CCDC32: variants seen among roughly 807,000 people sequenced by gnomAD.
The protein encoded by CCDC32 is coiled-coil domain containing 32.
In CCDC32, 9 loss-of-function variants were observed where a neutral mutation model predicts 20.1. The ratio of observed to expected loss-of-function variants is 0.45; its 90% CI spans 0.27 to 0.78. The LOEUF is 0.78. CCDC32 is among the 30% of genes least tolerant of loss of function. The pLI, the probability that CCDC32 is intolerant of heterozygous loss-of-function variation, is 0.16. For synonymous variants in CCDC32, 63 were observed against 79.0 expected (o/e 0.80, Z 1.07); for missense variants, 204 against 215.5 (o/e 0.95, Z 0.33).
chr15:40,553,608 G>A lies in CCDC32; in HGVS notation c.*363C>T. The A allele has an allele frequency of 9.7e-7, 1 of 1,032,020 alleles. No homozygotes were observed. The allele number at this position is 1,032,020 out of a possible 1,614,324, so 63.9% of individuals were successfully genotyped here. A position where few individuals can be genotyped will look rare whatever the true frequency, so the allele number is the denominator to read the frequency against. ...CACTTAACTTACACATTACACATAA[G>A]AGGCCTCAGTTTCTCCAAGTACTTT... On this transcript the variant is annotated 3_prime_UTR_variant, in exon 4 of 4. Transcript: ENST00000416810.
At chr15:40,555,105 C>G (rs1890150768) in intron 3 of CCDC32, among the ~76,000 whole-genome samples, 1 of 152,190 alleles carries the variant, frequency 6.6e-6, no homozygotes, top group Non-Finnish European at 1.5e-5. Context: ...CTTTGAAGAA[C>G]TAGTGTTTCC....
At chr15:40,535,824 G>T, downstream of CCDC32, 1 of 227,864 alleles carries the variant, frequency 4.4e-6, no homozygotes, top group Non-Finnish European at 7.3e-6. Flanking sequence ...GAGAGCCCAT[G>T]AGGGGGCCTA....
chr15:40,524,241 C>A (rs577848964), downstream of CCDC32, among the ~76,000 whole-genome samples: 16 of 149,026 alleles, frequency 1.1e-4, no homozygotes, highest in Admixed American at 2.1e-4. Flanking sequence ...CTGCAAGCTC[C>A]AGCCTCCCAG....
chr15:40,546,442 G>A (rs1269161371), intron 3 of CCDC32, among the ~76,000 whole-genome samples: 1 of 151,710 alleles, frequency 6.6e-6, no homozygotes, highest in South Asian at 2.1e-4. Flanking sequence ...TCCTGCCTTG[G>A]CCTCCCAAAG....
chr15:40,538,835 G>A (rs1450104168), downstream of CCDC32: 1 of 170,652 alleles, frequency 5.9e-6, no homozygotes, highest in Non-Finnish European at 1.2e-5. Context: ...TTTGCAATAT[G>A]GAAAAGGTGA....
intron 3 of CCDC32, among the ~76,000 whole-genome samples, chr15:40,544,218 GTATT>G (rs1358488066): frequency 6.6e-6 from 1 of 152,048 alleles, no homozygotes; most frequent in Non-Finnish European, 1.5e-5. Context: ...CCCCTGGAAT[GTATT>G]TATTTATTTG....
intron 3 of CCDC32, among the ~76,000 whole-genome samples, chr15:40,539,839 G>GA (rs1566979558): frequency 1.4e-3 from 54 of 38,110 alleles, no homozygotes; most frequent in Admixed American, 0.013. Flanking sequence ...TCAAACTGTT[G>GA]CCACACACAC....
downstream of CCDC32, among the ~76,000 whole-genome samples, chr15:40,533,549 T>C (rs975158778): frequency 4.6e-5 from 7 of 151,930 alleles, no homozygotes; most frequent in African/African-American, 1.7e-4. Context: ...TTTCACCATA[T>C]TGGCCAAGCT....
chr15:40,531,096 TCA>T (rs759139400), downstream of CCDC32, among the ~76,000 whole-genome samples: 14 of 151,698 alleles, frequency 9.2e-5, 2 homozygotes, highest in East Asian at 1.5e-3. Flanking sequence ...CTGCATGTTC[TCA>T]TTTATAAGTG....
downstream of CCDC32, among the ~76,000 whole-genome samples, chr15:40,527,393 A>C (rs1894912825): frequency 6.6e-6 from 1 of 151,988 alleles, no homozygotes; most frequent in Non-Finnish European, 1.5e-5. Flanking sequence ...CTGATCTCGA[A>C]CTCCTGATCT....
downstream of CCDC32, among the ~76,000 whole-genome samples, chr15:40,551,740 A>C (rs1889874610): frequency 6.8e-6 from 1 of 147,686 alleles, no homozygotes; most frequent in African/African-American, 2.5e-5. Flanking sequence ...CCAGGAGGTC[A>C]AGACTGCAGT....
chr15:40,535,656 G>A, downstream of CCDC32: 1 of 985,244 alleles, frequency 1.0e-6, no homozygotes, highest in Non-Finnish European at 1.2e-6. Flanking sequence ...CAACACACCA[G>A]GCTCCTTGCT....
downstream of CCDC32, chr15:40,539,125 C>T: frequency 1.2e-6 from 1 of 857,174 alleles, no homozygotes; most frequent in African/African-American, 1.7e-5. Context: ...AGGGCTGGGC[C>T]AGAGGGAAGT....
intron 3 of CCDC32, among the ~76,000 whole-genome samples, chr15:40,545,171 C>T (rs2924389): frequency 0.87 from 132,232 of 152,180 alleles, 58,016 homozygotes; most frequent in Non-Finnish European, 0.93. Flanking sequence ...CTTGATCAGG[C>T]ACCATGCTGA....
intron 3 of CCDC32, among the ~76,000 whole-genome samples, chr15:40,547,398 G>A (rs574406309): frequency 1.4e-4 from 22 of 152,240 alleles, no homozygotes; most frequent in Admixed American, 3.3e-4. Flanking sequence ...CTAGGCACCC[G>A]AGCTTCAGCA....
chr15:40,552,317 A>T (rs949604431), downstream of CCDC32, among the ~76,000 whole-genome samples: 1 of 151,282 alleles, frequency 6.6e-6, no homozygotes, highest in Non-Finnish European at 1.5e-5. Context: ...CAAATCTACT[A>T]AAAAAAATAC....
chr15:40,554,322 T>C (rs1890091473), intron 3 of CCDC32, among the ~76,000 whole-genome samples, 195 bp from the exon 4 acceptor site: 1 of 152,148 alleles, frequency 6.6e-6, no homozygotes, highest in Non-Finnish European at 1.5e-5. Flanking sequence ...TGCGCATAAT[T>C]TACCCCATAG....
Position 40,564,987 on chromosome 15 carries a change from C to T in CCDC32, c.-24G>A. 1.6e-6 allele frequency: 1 copy of T among 606,888 alleles called. No homozygotes were observed. Among genetic ancestry groups the T allele is most frequent in the Non-Finnish European group, 2.9e-6 (1 of 344,168 alleles). 37.6% of individuals were successfully genotyped at this position (606,888 alleles called of 1,614,324 possible). ...CCCTCCTCACTTACCGTAACAGCTG[C>T]CCAGTAAACGCTTGGCTCAGCTCTG... On this transcript the variant is annotated 5_prime_UTR_variant, in exon 1 of 4. Transcript: ENST00000416810.
downstream of CCDC32, among the ~76,000 whole-genome samples, chr15:40,526,454 A>C (rs1894901629): frequency 6.6e-6 from 1 of 152,238 alleles, no homozygotes; most frequent in African/African-American, 2.4e-5. Context: ...AGTCCATAGC[A>C]AGGCAGTTTC....
Sources: allele counts gnomAD v4.1 joint callset (sites outside exome capture counted in the v4.1 genomes callset), GRCh38; gene constraint gnomAD v4.1.1; transcripts MANE v1.5; gene names NCBI Gene and HGNC (gene_info 2026-07-23, HGNC 2026-07-21).